Variants in ROBO2 observed in about 807,000 individuals in gnomAD.
The protein encoded by ROBO2 is roundabout guidance receptor 2, also known as roundabout homolog 2.
Under a neutral mutation model 160.8 loss-of-function variants are expected in ROBO2, and 53 were observed. That is an observed-to-expected ratio of 0.33 (90% CI 0.26 to 0.41). The LOEUF (loss-of-function observed/expected upper bound fraction) is 0.41, where lower values mean the gene tolerates loss of function less well. ROBO2 is among the 10% of genes least tolerant of loss of function. ROBO2 has a pLI of 1.00. For missense variants in ROBO2, 1,577 were observed against 1,722.4 expected (o/e 0.92, Z 1.49); for synonymous variants, 664 against 611.7 (o/e 1.09, Z -1.26).
In ROBO2 at chr3:76,032,277, A is replaced by G. The variant is rs375590461; in HGVS notation, c.109+94675A>G. 3.3e-5 allele frequency among the ~76,000 whole-genome samples: 5 copies of G among 151,982 alleles called. 1 individual carries two copies. Among genetic ancestry groups the G allele is most frequent in the African/African-American group, 2.4e-5 (1 of 41,400 alleles). On this transcript the variant is annotated intron_variant, in intron 2 of 26. Transcript: ENST00000487694. ...TCTTTATTGGTCTTGCTAGTGGTCT[A>G]TCTACTTTGTTGATCTTTCAAAAAA...
chr3:76,278,844 C>G (rs954592833), intron 2 of ROBO2, among the ~76,000 whole-genome samples: 1 of 151,834 alleles, frequency 6.6e-6, no homozygotes, highest in Admixed American at 6.6e-5. Flanking sequence ...CGCCACTAGT[C>G]CTCCTCTATA....
At chr3:76,103,067 C>T (rs1313389895) in intron 2 of ROBO2, among the ~76,000 whole-genome samples, 1 of 152,100 alleles carries the variant, frequency 6.6e-6, no homozygotes, top group African/African-American at 2.4e-5. Flanking sequence ...TCGTGATCCG[C>T]CCGCCTCGGC....
intron 2 of ROBO2, among the ~76,000 whole-genome samples, chr3:76,213,557 T>C (rs1703290043): frequency 6.6e-6 from 1 of 152,164 alleles, no homozygotes; most frequent in South Asian, 2.1e-4. Context: ...AATTAATCAG[T>C]GTTAATTCAC....
chr3:76,213,525 A>G (rs1575904980), intron 2 of ROBO2, among the ~76,000 whole-genome samples: 1 of 152,102 alleles, frequency 6.6e-6, no homozygotes, highest in Non-Finnish European at 1.5e-5. Flanking sequence ...TCAAAAAGGT[A>G]GTGTATTCTT....
At chr3:77,211,348 A>C (rs554167683) in intron 2 of ROBO2, among the ~76,000 whole-genome samples, 6 of 152,196 alleles carry the variant, frequency 3.9e-5, no homozygotes, top group Non-Finnish European at 8.8e-5. Context: ...AGTGATGATG[A>C]GCATTTTTTC....
At chr3:76,473,121 A>G (rs1467517606) in intron 2 of ROBO2, among the ~76,000 whole-genome samples, 2 of 152,188 alleles carry the variant, frequency 1.3e-5, no homozygotes, top group African/African-American at 2.4e-5. Flanking sequence ...AACACTCCAC[A>G]TCTATCCAGA....
chr3:76,070,776 T>G (rs1559886806), intron 2 of ROBO2, among the ~76,000 whole-genome samples: 1 of 152,104 alleles, frequency 6.6e-6, no homozygotes, highest in African/African-American at 2.4e-5. Flanking sequence ...TCTTTCATAC[T>G]CTGTCCCTTT....
At chr3:77,290,176 C>T (rs1281939567) in intron 2 of ROBO2, among the ~76,000 whole-genome samples, 2 of 151,030 alleles carry the variant, frequency 1.3e-5, no homozygotes, top group African/African-American at 4.9e-5. Context: ...TCACCCAAGA[C>T]ACAAAGTAAA....
intron 2 of ROBO2, among the ~76,000 whole-genome samples, chr3:76,854,019 TC>T (rs2069723118): frequency 5.4e-4 from 1 of 1,852 alleles, no homozygotes; most frequent in Non-Finnish European, 1.2e-3. Flanking sequence ...GCATAGACTT[TC>T]TCTCTCTCTC....
chr3:76,890,242 A>G (rs1362103900), intron 2 of ROBO2, among the ~76,000 whole-genome samples: 2 of 152,202 alleles, frequency 1.3e-5, no homozygotes, highest in African/African-American at 4.8e-5. Context: ...TAACAGTCCA[A>G]TAAATGTAGA....
intron 2 of ROBO2, among the ~76,000 whole-genome samples, chr3:77,334,833 A>G (rs767044656): frequency 1.3e-5 from 2 of 151,948 alleles, no homozygotes; most frequent in Non-Finnish European, 2.9e-5. Flanking sequence ...GGACCTGAAA[A>G]CTCTGCACAG....
intron 2 of ROBO2, among the ~76,000 whole-genome samples, chr3:76,477,398 A>G (rs2078984310): frequency 6.6e-6 from 1 of 152,174 alleles, no homozygotes; most frequent in Non-Finnish European, 1.5e-5. Context: ...ACCCTACTCC[A>G]TGTGTAGCTT....
chr3:76,854,079 C>CATCT (rs1559605613), intron 2 of ROBO2, among the ~76,000 whole-genome samples: 1 of 132,422 alleles, frequency 7.6e-6, no homozygotes, highest in African/African-American at 2.8e-5. Flanking sequence ...TCTCTGTCTG[C>CATCT]CTCTCTCTCT....
At chr3:76,921,228 T>C (rs1284972699) in intron 2 of ROBO2, among the ~76,000 whole-genome samples, 2 of 152,222 alleles carry the variant, frequency 1.3e-5, no homozygotes, top group African/African-American at 4.8e-5. Flanking sequence ...GTTTGATATA[T>C]ATTCGTCCCA....
intron 2 of ROBO2, among the ~76,000 whole-genome samples, chr3:77,418,031 A>G (rs1236509821): frequency 6.6e-6 from 1 of 152,168 alleles, no homozygotes; most frequent in African/African-American, 2.4e-5. Context: ...AAATGAATGA[A>G]TATACAAACT....
In ROBO2 at chr3:77,119,130, TGAA is replaced by T. The variant is rs2074491589; in HGVS notation, c.388+20795_388+20797del. 2.0e-5 allele frequency among the ~76,000 whole-genome samples: 3 copies of T among 152,206 alleles called. No homozygotes were observed. In the South Asian group the frequency reaches 6.2e-4, roughly 31 times the overall value. Reference sequence around the variant, plus strand: ...TGCTCTCTCTTCTCCTGCCACCTTGTGAAGAAGGTGCTTGCTTCTCTTTGACCT... The same window carrying T: ...TGCTCTCTCTTCTCCTGCCACCTTGTGAAGGTGCTTGCTTCTCTTTGACCT... On this transcript the variant is annotated intron_variant, in intron 2 of 25. Coordinates refer to ENST00000461745, the Ensembl canonical transcript of ROBO2.
chr3:76,525,699 G>C (rs1441107903), intron 2 of ROBO2, among the ~76,000 whole-genome samples: 1 of 151,870 alleles, frequency 6.6e-6, no homozygotes, highest in Non-Finnish European at 1.5e-5. Flanking sequence ...AATTAGCCAG[G>C]GTTTTACTTA....
chr3:75,958,802 T>C (rs1343764528), intron 2 of ROBO2, among the ~76,000 whole-genome samples: 1 of 151,780 alleles, frequency 6.6e-6, no homozygotes. Context: ...GAGAGAATAG[T>C]AACAAAGATA....
intron 3 of ROBO2, 127 bp downstream of exon 3, chr3:77,477,698 C>A: frequency 1.0e-6 from 1 of 999,008 alleles, no homozygotes; most frequent in Non-Finnish European, 1.5e-6. Context: ...ATTTATACTG[C>A]CTTGAAAAGA....
Sources: gnomAD v4.1 joint callset for allele counts (sites outside exome capture counted in the v4.1 genomes callset) on GRCh38, gnomAD v4.1.1 for gene constraint, MANE v1.5 for transcripts, NCBI Gene and HGNC (gene_info 2026-07-23, HGNC 2026-07-21) for gene names.